Variants in SLC71A1 observed in about 807,000 individuals in gnomAD.
SLC71A1 encodes solute carrier family 71 member 1, also known as hippocampus abundant gene transcript 1.
the SLC71A1 span, among the ~76,000 whole-genome samples, chr1:100,064,118 TG>T: frequency 3.5e-4 from 53 of 152,160 alleles, no homozygotes; most frequent in African/African-American, 1.3e-3. Context: ...TGTGTGTGTG[TG>T]TATGTATGTG....
At chr1:100,058,774 C>A in the SLC71A1 span, 4 of 956,208 alleles carry the variant, frequency 4.2e-6, no homozygotes, top group East Asian at 5.0e-5. Flanking sequence ...CATACATACA[C>A]ATACACGCAC....
At chr1:100,045,473 TG>T in the SLC71A1 span, among the ~76,000 whole-genome samples, 1 of 152,222 alleles carries the variant, frequency 6.6e-6, no homozygotes, top group Non-Finnish European at 1.5e-5. Context: ...TTTTCCAATT[TG>T]CATGCTCGTT....
the SLC71A1 span, chr1:100,077,213 AT>A: frequency 6.3e-7 from 1 of 1,592,092 alleles, no homozygotes; most frequent in Non-Finnish European, 8.6e-7. Context: ...TAAGAACACC[AT>A]TTTACTGGGT....
At chr1:100,054,755 G>A in the SLC71A1 span, among the ~76,000 whole-genome samples, 33,516 of 152,088 alleles carry the variant, frequency 0.22, 5,102 homozygotes, top group African/African-American at 0.43. Context: ...TTTTGGAAAA[G>A]TGTTACATTT....
At chr1:100,051,950 G>A in the SLC71A1 span, among the ~76,000 whole-genome samples, 1 of 152,112 alleles carries the variant, frequency 6.6e-6, no homozygotes, top group Non-Finnish European at 1.5e-5. Flanking sequence ...TCATAATACA[G>A]ATGAGGAAAC....
the SLC71A1 span, chr1:100,060,052 T>C: frequency 6.6e-7 from 1 of 1,510,436 alleles, no homozygotes. Context: ...CTTTCAGCTA[T>C]TGTTTTCTTA....
At chr1:100,068,541 A>G in the SLC71A1 span, 2 of 1,613,822 alleles carry the variant, frequency 1.2e-6, no homozygotes, top group South Asian at 1.1e-5. Context: ...TCTCCTACCT[A>G]CCGGAGGCAG....
the SLC71A1 span, among the ~76,000 whole-genome samples, chr1:100,074,721 AC>A: frequency 6.6e-6 from 1 of 151,888 alleles, no homozygotes; most frequent in Admixed American, 6.6e-5. Context: ...TACTAAAAAT[AC>A]AAAAATTAGC....
the SLC71A1 span, among the ~76,000 whole-genome samples, chr1:100,060,193 T>G: frequency 9.9e-5 from 15 of 152,222 alleles, no homozygotes; most frequent in African/African-American, 3.6e-4. Context: ...CATAAAGATT[T>G]TAGAAATAGT....
chr1:100,075,056 G>A, the SLC71A1 span, among the ~76,000 whole-genome samples: 2 of 152,216 alleles, frequency 1.3e-5, no homozygotes, highest in African/African-American at 4.8e-5. Flanking sequence ...TTACTGGCTA[G>A]ATGGGTTGGT....
At chr1:100,077,347 C>G in the SLC71A1 span, 2 of 776,020 alleles carry the variant, frequency 2.6e-6, no homozygotes, top group Non-Finnish European at 4.4e-6. Flanking sequence ...ATTTGCTTCT[C>G]AACTGAGGGG....
chr1:100,077,017 G>A, the SLC71A1 span: 1 of 569,716 alleles, frequency 1.8e-6, no homozygotes, highest in South Asian at 2.4e-5. Flanking sequence ...TATGTGACCT[G>A]GACTAGTGAT....
the SLC71A1 span, chr1:100,061,902 G>A: frequency 6.2e-7 from 1 of 1,613,372 alleles, no homozygotes; most frequent in Non-Finnish European, 8.5e-7. Context: ...ATTTGCATAC[G>A]TAGCAGATAT....
the SLC71A1 span, chr1:100,067,918 T>G: frequency 4.7e-4 from 593 of 1,251,382 alleles, 6 homozygotes; most frequent in African/African-American, 8.0e-3. Flanking sequence ...AAAGGAGTTA[T>G]GTGGTGTTGA....
the SLC71A1 span, among the ~76,000 whole-genome samples, chr1:100,054,145 G>T: frequency 6.6e-6 from 1 of 150,492 alleles, no homozygotes; most frequent in Non-Finnish European, 1.5e-5. Flanking sequence ...AGGTTCAAGA[G>T]ATTCTCCTGC....
the SLC71A1 span, among the ~76,000 whole-genome samples, chr1:100,039,702 T>A: frequency 3.5e-4 from 53 of 152,338 alleles, no homozygotes; most frequent in African/African-American, 1.2e-3. Flanking sequence ...AGAGACAATA[T>A]TTTACATTCT....
At chr1:100,051,473 T>C in the SLC71A1 span, among the ~76,000 whole-genome samples, 2 of 152,074 alleles carry the variant, frequency 1.3e-5, no homozygotes, top group South Asian at 4.1e-4. Flanking sequence ...TTTTTTTTTT[T>C]TAGTTTACTG....
At chr1:100,040,449 T>C in the SLC71A1 span, among the ~76,000 whole-genome samples, 1 of 152,096 alleles carries the variant, frequency 6.6e-6, no homozygotes, top group Non-Finnish European at 1.5e-5. Flanking sequence ...CAGACTACTA[T>C]TATGAACTTT....
At chr1:100,070,192 C>CA in the SLC71A1 span, among the ~76,000 whole-genome samples, 1 of 152,070 alleles carries the variant, frequency 6.6e-6, no homozygotes. Context: ...CTTAAGGGCA[C>CA]AGGGGGCATG....
Sources: gnomAD v4.1 joint callset for allele counts (sites outside exome capture counted in the v4.1 genomes callset) on GRCh38, gnomAD v4.1.1 for gene constraint, MANE v1.5 for transcripts, NCBI Gene and HGNC (gene_info 2026-07-23, HGNC 2026-07-21) for gene names.